The following MCM3AP variants were observed in gnomAD, a reference collection of about 807,000 sequenced individuals.
MCM3AP encodes minichromosome maintenance complex component 3 associated protein.
In MCM3AP, 126 loss-of-function variants were observed where a neutral mutation model predicts 184.1. That is an observed-to-expected ratio of 0.68 (90% CI 0.59 to 0.79). The LOEUF (loss-of-function observed/expected upper bound fraction) is 0.79, where lower values mean the gene tolerates loss of function less well. MCM3AP is among the 30% of genes least tolerant of loss of function. MCM3AP has a pLI of 0.00. For missense variants in MCM3AP, 2,496 were observed against 2,479.2 expected, an observed-to-expected ratio of 1.01 and a Z score of -0.14; for synonymous variants, 1,002 against 979.3, an observed-to-expected ratio of 1.02 and a Z score of -0.43.
intron 20 of MCM3AP, chr21:46,251,270 A>G: frequency 3.3e-6 from 1 of 301,648 alleles, no homozygotes; most frequent in South Asian, 1.4e-4. Context: ...TACATATTAC[A>G]TTTAGGAAAT....
intron 10 of MCM3AP, chr21:46,266,408 C>A (rs762497820): frequency 8.4e-5 from 33 of 394,258 alleles, no homozygotes; most frequent in Non-Finnish European, 1.4e-4. Flanking sequence ...TGCTGGCTCA[C>A]CCAAAACCGT....
chr21:46,285,612 T>TAAA (rs545633278), upstream of MCM3AP: 22 of 183,040 alleles, frequency 1.2e-4, no homozygotes, highest in Non-Finnish European at 1.8e-4. Context: ...CCTTTAAGAT[T>TAAA]AAAAAAAAAA....
chr21:46,268,916 C>T (rs1234185478), intron 9 of MCM3AP, among the ~76,000 whole-genome samples: 2 of 151,892 alleles, frequency 1.3e-5, no homozygotes, highest in Non-Finnish European at 2.9e-5. Flanking sequence ...CTCCTGTAGT[C>T]CCAGCTACTG....
Position 46,237,612 on chromosome 21 carries a change from GTCTAC to G in MCM3AP, c.5634-638_5634-634del, listed in dbSNP as rs1217000002. 7.1e-5 allele frequency among the ~76,000 whole-genome samples: 8 copies of G among 113,324 alleles called. 2 individuals carry two copies. Among genetic ancestry groups the G allele is most frequent in the African/African-American group, 2.9e-4 (8 of 27,534 alleles). The allele number at this position is 113,324 out of a possible 152,430, so 74.3% of individuals were successfully genotyped here. A position where few individuals can be genotyped will look rare whatever the true frequency, so the allele number is the denominator to read the frequency against. On this transcript the variant is annotated intron_variant, in intron 26 of 27. Coordinates refer to ENST00000291688, the MANE Select transcript of MCM3AP (RefSeq NM_003906.5). The stretch of plus-strand genomic sequence containing the variant: ...GGGATTTTGCTGTATTGTCAGGCTA[GTCTAC>G]AACTCCTGAACTCAAGTGATGTGCA...
intron 15 of MCM3AP, among the ~76,000 whole-genome samples, chr21:46,260,009 G>A (rs745607901): frequency 4.6e-5 from 7 of 151,738 alleles, no homozygotes; most frequent in Non-Finnish European, 8.8e-5. Flanking sequence ...CCAGGAGGCA[G>A]AGGTTGCAGT....
chr21:46,250,137 G>A (rs1345483633), intron 20 of MCM3AP: 2 of 148,432 alleles, frequency 1.3e-5, no homozygotes, highest in East Asian at 1.9e-4. Context: ...ACTACATTAA[G>A]TGAGACAATA....
intron 20 of MCM3AP, chr21:46,249,828 T>C: frequency 4.1e-6 from 1 of 241,956 alleles, no homozygotes; most frequent in Non-Finnish European, 8.3e-6. Context: ...TGCAGAGGCT[T>C]GGGCAGTTTA....
At chr21:46,248,309 T>C (rs917631554) in intron 20 of MCM3AP, among the ~76,000 whole-genome samples, 4 of 152,010 alleles carry the variant, frequency 2.6e-5, no homozygotes, top group African/African-American at 9.7e-5. Flanking sequence ...TCAGGCACAG[T>C]GGAAGGGACT....
At chr21:46,272,942 A>G (rs2081200447) in intron 7 of MCM3AP, 113 bp from the exon 8 acceptor site, 2 of 1,038,798 alleles carry the variant, frequency 1.9e-6, no homozygotes, top group Admixed American at 2.7e-5. Context: ...AACAAAGCCC[A>G]TGATGCACAT....
At position 46,236,870 on chromosome 21, in the gene MCM3AP, T is replaced by C. The variant is rs769854523; in HGVS notation, c.5743A>G (p.Ile1915Val). 12 of 1,565,748 alleles carry C rather than the reference T, an allele frequency of 7.7e-6. No homozygotes were observed. Among genetic ancestry groups the C allele is most frequent in the East Asian group, 2.5e-5 (1 of 40,790 alleles). Residue 1915 changes from isoleucine to valine, a missense_variant, in exon 27 of 28, where the codon ATT (isoleucine) becomes GTT (valine). By Grantham distance (29) the Ile-to-Val change is conservative (BLOSUM62 3). Around this residue, in one of 5 missense-constraint regions of MCM3AP, gnomAD observed 1,323 missense variants for 1,273.4 expected, o/e 1.04. Coordinates refer to ENST00000291688, the MANE Select transcript of MCM3AP (RefSeq NM_003906.5). ...PQTLVSLSHT[I>V]EPVMKTSVTT... The stretch of plus-strand genomic sequence containing the variant: ...ACAGATGTTTTCATCACAGGTTCAA[T>C]AGTGTGAGAAAGAGACACTAGAGTC...
intron 20 of MCM3AP, chr21:46,251,298 A>G: frequency 5.2e-6 from 2 of 385,120 alleles, no homozygotes; most frequent in Non-Finnish European, 9.3e-6. Flanking sequence ...ATAGTATTAA[A>G]ACAGAAAAAG....
intron 14 of MCM3AP, among the ~76,000 whole-genome samples, 182 bp downstream of exon 14, chr21:46,261,098 G>A (rs1193728700): frequency 6.6e-6 from 1 of 152,168 alleles, no homozygotes; most frequent in African/African-American, 2.4e-5. Context: ...ACTGCTCACG[G>A]GTAGGTGTGG....
At position 46,258,936 on chromosome 21, in the gene MCM3AP, C is replaced by T. The variant is rs749601141; in HGVS notation, c.3734+3G>A. The T allele has an allele frequency of 1.2e-6, 2 of 1,614,086 alleles. No homozygotes were observed. The highest frequency in any genetic ancestry group is 8.5e-7 in the Non-Finnish European group (1 of 1,179,994). On this transcript the variant is annotated splice_donor_region_variant and intron_variant, in intron 16 of 27. Coordinates refer to ENST00000291688, the MANE Select transcript of MCM3AP (RefSeq NM_003906.5). ...ATTTTGCCTGTAGGAACACAGGACT[C>T]ACCGCTGTAGATACTTGCAGAAGCA... is the stretch of plus-strand genomic sequence containing the variant.
chr21:46,266,018 CAG>C lies in MCM3AP; in HGVS notation c.2936_2937del (p.Pro979ArgfsTer86), dbSNP rs775414084. 1.5e-5 allele frequency: 24 copies of C among 1,611,378 alleles called. No homozygotes were observed. Among genetic ancestry groups the C allele is most frequent in the Admixed American group, 5.0e-5 (3 of 59,902 alleles). On this transcript the variant is annotated frameshift_variant, in exon 11 of 28. Transcript: ENST00000291688. LOFTEE classifies it high-confidence loss of function. ...TTGTTCTGGGAGTTGAAGCTGCACACAGGGGTATGACGAGGGACGGGGGGCAA... is the reference window on the plus strand; with the variant it reads ...TTGTTCTGGGAGTTGAAGCTGCACACGGGTATGACGAGGGACGGGGGGCAA... The part of the protein sequence containing the change: ...GPLPPVPRHT[P>X]VCSFNSQNKY...
intron 9 of MCM3AP, among the ~76,000 whole-genome samples, chr21:46,270,109 A>G (rs2081161260): frequency 6.6e-6 from 1 of 152,222 alleles, no homozygotes; most frequent in African/African-American, 2.4e-5. Flanking sequence ...CTTTTTAGTT[A>G]GCTTTCATGG....
At position 46,272,737 on chromosome 21, in the gene MCM3AP, A is replaced by C. The variant is rs2081197440; in HGVS notation, c.2289T>G (p.Cys763Trp). The part of the protein sequence containing the change: ...RFHIHCAHFM[C>W]EEPMSSFDAK... Reference sequence around the variant, plus strand: ...CATCAAAGGAGGACATGGGCTCCTCACACATGAAGTGGGCACAGTGGATGT... The same window carrying C: ...CATCAAAGGAGGACATGGGCTCCTCCCACATGAAGTGGGCACAGTGGATGT... The change falls in exon 8 of 28, where the codon TGT becomes TGG. Residue 763 changes from cysteine (C) to tryptophan (W), a missense_variant. Around this residue, in one of 5 missense-constraint regions of MCM3AP, gnomAD observed 105 missense variants for 97.1 expected, o/e 1.08. Coordinates refer to ENST00000291688, the MANE Select transcript of MCM3AP (RefSeq NM_003906.5). The C allele has an allele frequency of 9.9e-6, 16 of 1,613,958 alleles. No individual in the cohort carries two copies. The highest frequency in any genetic ancestry group is 1.3e-5 in the African/African-American group (1 of 74,900).
intron 8 of MCM3AP, 52 bp from the exon 9 acceptor site, chr21:46,270,615 A>G: frequency 6.9e-7 from 1 of 1,442,204 alleles, no homozygotes. Flanking sequence ...AAATAAGACA[A>G]AATTTTCATG....
chr21:46,284,678 G>C lies in MCM3AP; in HGVS notation c.609C>G (p.Thr203=). ...GTTTTGAAAAGGTAAAATTTGAAGTGGTAGCTGAACTACTTGTTACTTGAG... is the reference window on the plus strand; with the variant it reads ...GTTTTGAAAAGGTAAAATTTGAAGTCGTAGCTGAACTACTTGTTACTTGAG... The part of the protein sequence containing the change: ...SFPQVTSSSA[T]TSNFTFSKPV... Residue 203 remains threonine, a synonymous_variant, in exon 1 of 28, where the codon ACC becomes ACG. Transcript: ENST00000291688. The C allele has an allele frequency of 1.2e-6, 2 of 1,614,006 alleles. No homozygotes were observed. The highest frequency in any genetic ancestry group is 1.7e-6 in the Non-Finnish European group (2 of 1,179,904).
intron 6 of MCM3AP, 128 bp from the exon 7 acceptor site, chr21:46,273,713 T>C (rs1427578668): frequency 1.5e-5 from 10 of 681,672 alleles, no homozygotes; most frequent in Non-Finnish European, 2.4e-5. Context: ...ATATATTTTT[T>C]CAACATAAAA....
Sources: gnomAD v4.1 joint callset for allele counts (sites outside exome capture counted in the v4.1 genomes callset) on GRCh38, gnomAD v4.1.1 for gene constraint, gnomAD v4.1.1 regional missense constraint, MANE v1.5 for transcripts, NCBI Gene and HGNC (gene_info 2026-07-23, HGNC 2026-07-21) for gene names.